Variants in CCDC178 observed in about 807,000 individuals in gnomAD.
The protein encoded by CCDC178 is coiled-coil domain containing 178.
Under a neutral mutation model 117.4 loss-of-function variants are expected in CCDC178, and 126 were observed. The ratio of observed to expected loss-of-function variants is 1.07; its 90% CI spans 0.93 to 1.24. CCDC178 has a LOEUF of 1.24. Ranked by LOEUF, CCDC178 falls within the 50% of genes most tolerant of loss-of-function variation. The pLI, the probability that CCDC178 is intolerant of heterozygous loss-of-function variation, is 0.00. For missense variants in CCDC178, 1,030 were observed against 986.9 expected, an observed-to-expected ratio of 1.04 and a Z score of -0.59; for synonymous variants, 283 against 313.4, an observed-to-expected ratio of 0.90 and a Z score of 1.02.
At chr18:33,318,895 T>C (rs2062460336) in intron 11 of CCDC178, among the ~76,000 whole-genome samples, 2 of 152,056 alleles carry the variant, frequency 1.3e-5, no homozygotes, top group African/African-American at 4.8e-5. Context: ...AATTAATATA[T>C]GAAGGTCAAC....
At chr18:32,942,685 T>C (rs1421458858) in intron 22 of CCDC178, among the ~76,000 whole-genome samples, 1 of 152,252 alleles carries the variant, frequency 6.6e-6, no homozygotes, top group East Asian at 1.9e-4. Context: ...AGCTTTGGTG[T>C]TTTTTATTCT....
At chr18:33,270,840 C>G (rs910560574) in intron 12 of CCDC178, among the ~76,000 whole-genome samples, 6 of 151,348 alleles carry the variant, frequency 4.0e-5, no homozygotes, top group Non-Finnish European at 8.9e-5. Flanking sequence ...AATGTATAAA[C>G]GTATTATTTT....
intron 21 of CCDC178, among the ~76,000 whole-genome samples, chr18:33,008,179 A>G (rs1012952392): frequency 5.3e-5 from 8 of 152,130 alleles, no homozygotes; most frequent in African/African-American, 1.9e-4. Context: ...TAGTAACAGG[A>G]TTCAAGTTTT....
chr18:33,302,728 A>G (rs922333027), intron 11 of CCDC178, among the ~76,000 whole-genome samples: 2 of 152,254 alleles, frequency 1.3e-5, no homozygotes, highest in Admixed American at 1.3e-4. Flanking sequence ...GAACTGGTGA[A>G]TATTACGTTA....
At chr18:33,324,189 G>GTC (rs1193354314) in intron 10 of CCDC178, among the ~76,000 whole-genome samples, 5 of 151,380 alleles carry the variant, frequency 3.3e-5, no homozygotes, top group Non-Finnish European at 7.4e-5. Flanking sequence ...TCTTCCTTCT[G>GTC]TCTCTCTCTC....
intron 11 of CCDC178, among the ~76,000 whole-genome samples, chr18:33,299,905 A>C (rs138734749): frequency 6.6e-6 from 1 of 152,210 alleles, no homozygotes; most frequent in Non-Finnish European, 1.5e-5. Context: ...ATATCAGCCA[A>C]TTAGGATGGA....
chr18:33,061,803 G>T (rs1262212235), intron 21 of CCDC178, among the ~76,000 whole-genome samples: 1 of 151,960 alleles, frequency 6.6e-6, no homozygotes, highest in Non-Finnish European at 1.5e-5. Flanking sequence ...TTTTTCAGCA[G>T]TGGCAAGATT....
chr18:33,257,068 T>C (rs2059689579), intron 14 of CCDC178, among the ~76,000 whole-genome samples: 1 of 152,100 alleles, frequency 6.6e-6, no homozygotes, highest in Non-Finnish European at 1.5e-5. Context: ...TTATGTGCTT[T>C]ATAATTTTGT....
chr18:33,298,955 C>T (rs572274795), intron 11 of CCDC178, among the ~76,000 whole-genome samples: 1 of 152,072 alleles, frequency 6.6e-6, no homozygotes, highest in Non-Finnish European at 1.5e-5. Flanking sequence ...AACTGCAAAA[C>T]ACTAATGAAA....
intron 20 of CCDC178, among the ~76,000 whole-genome samples, chr18:33,098,251 CTTA>C (rs1028840449): frequency 5.9e-5 from 9 of 152,050 alleles, no homozygotes; most frequent in African/African-American, 2.2e-4. Context: ...TTACAAATAC[CTTA>C]TTGTTAGTAC....
At chr18:33,115,731 T>C (rs1390464295) in intron 20 of CCDC178, among the ~76,000 whole-genome samples, 7 of 152,152 alleles carry the variant, frequency 4.6e-5, no homozygotes, top group Non-Finnish European at 1.0e-4. Flanking sequence ...ATAGTGACCA[T>C]AGTAGTTCAC....
intron 12 of CCDC178, among the ~76,000 whole-genome samples, chr18:33,278,884 G>A (rs1298937608): frequency 6.6e-6 from 1 of 152,084 alleles, no homozygotes; most frequent in Non-Finnish European, 1.5e-5. Flanking sequence ...ATGCAGAAAA[G>A]GCCTTTGACA....
At chr18:32,978,919 C>T (rs1386102292) in intron 21 of CCDC178, among the ~76,000 whole-genome samples, 1 of 151,728 alleles carries the variant, frequency 6.6e-6, no homozygotes, top group East Asian at 2.0e-4. Flanking sequence ...TGCCTATAGG[C>T]CCAGCTACTC....
intron 15 of CCDC178, among the ~76,000 whole-genome samples, chr18:33,241,342 T>G (rs2059485147): frequency 6.6e-6 from 1 of 151,268 alleles, no homozygotes; most frequent in South Asian, 2.1e-4. Context: ...GAAGTCCTAG[T>G]CAGAGCAATT....
At position 33,150,173 on chromosome 18, in the gene CCDC178, T is replaced by G. The variant is rs148248392; in HGVS notation, c.2239-57263A>C. Among the ~76,000 whole-genome samples the G allele has an allele frequency of 2.1e-3, 319 of 152,268 alleles. 2 individuals are homozygous for G. Among genetic ancestry groups the G allele is most frequent in the Middle Eastern group, 0.01 (3 of 294 alleles). On this transcript the variant is annotated intron_variant, in intron 20 of 22. Coordinates refer to ENST00000383096, the MANE Select transcript of CCDC178 (RefSeq NM_001105528.4). ...CTAGTCTATATGGTGCTGGGAAAAC[T>G]GGGAGGCCACATGTAGAAGAATAAA...
intron 20 of CCDC178, among the ~76,000 whole-genome samples, chr18:33,154,230 A>G (rs1247356632): frequency 6.6e-6 from 1 of 152,186 alleles, no homozygotes; most frequent in Non-Finnish European, 1.5e-5. Flanking sequence ...CCCCAGGGAG[A>G]GAGATTCTTG....
chr18:33,136,790 T>A (rs2058133058), intron 20 of CCDC178, among the ~76,000 whole-genome samples: 1 of 152,208 alleles, frequency 6.6e-6, no homozygotes. Context: ...GAAGAACATT[T>A]TTCACTCTAT....
intron 12 of CCDC178, 96 bp from the exon 13 acceptor site, chr18:33,267,393 T>C: frequency 5.9e-6 from 4 of 678,268 alleles, no homozygotes; most frequent in Non-Finnish European, 9.5e-6. Flanking sequence ...TAGAATTTGT[T>C]TCAGTTACAT....
chr18:33,065,587 C>T (rs1352292597), intron 21 of CCDC178, among the ~76,000 whole-genome samples: 1 of 152,158 alleles, frequency 6.6e-6, no homozygotes, highest in Admixed American at 6.5e-5. Flanking sequence ...GGAAGTTCAA[C>T]AATTCCAATA....
Sources: allele counts gnomAD v4.1 joint callset (sites outside exome capture counted in the v4.1 genomes callset), GRCh38; gene constraint gnomAD v4.1.1; transcripts MANE v1.5; gene names NCBI Gene and HGNC (gene_info 2026-07-23, HGNC 2026-07-21).